Variants in PRCC observed in about 807,000 individuals in gnomAD.
The protein encoded by PRCC is proline rich mitotic checkpoint control factor.
PRCC carries 10 observed loss-of-function variants against 44.0 expected under a neutral mutation model. The ratio of observed to expected loss-of-function variants is 0.23; its 90% CI spans 0.14 to 0.39. The LOEUF (loss-of-function observed/expected upper bound fraction) is 0.39, where lower values mean the gene tolerates loss of function less well. Among genes scored for constraint, PRCC ranks in the 10% least tolerant of loss-of-function variants. The pLI, the probability that PRCC is intolerant of heterozygous loss-of-function variation, is 1.00. For synonymous variants in PRCC, 278 were observed against 259.5 expected (o/e 1.07, Z -0.69); for missense variants, 573 against 624.7 (o/e 0.92, Z 0.88).
intron 5 of PRCC, chr1:156,797,067 C>T (rs1306824783): frequency 1.5e-5 from 8 of 547,444 alleles, no homozygotes; most frequent in Non-Finnish European, 2.3e-5. Context: ...CTATTTCAGG[C>T]AAGTGTTCTG....
Position 156,767,888 on chromosome 1 carries a change from C to A in PRCC, c.117C>A (p.Phe39Leu). ...PTSGPALGGL[F>L]ASLPAPKGPA... Reference sequence around the variant, plus strand: ...CTGGGCCCGCTTTAGGGGGCTTGTTCGCTTCTCTCCCTGCGCCCAAGGGTC... The same window carrying A: ...CTGGGCCCGCTTTAGGGGGCTTGTTAGCTTCTCTCCCTGCGCCCAAGGGTC... The change falls in exon 1 of 7, where the codon TTC (phenylalanine) becomes TTA (leucine). Residue 39 changes from phenylalanine (F) to leucine (L), a missense_variant. Phe to Leu is a conservative substitution (Grantham distance 22, BLOSUM62 0). Transcript: ENST00000271526. 6.2e-7 allele frequency: 1 copy of A among 1,604,496 alleles called. No individual in the cohort carries two copies.
intron 1 of PRCC, among the ~76,000 whole-genome samples, chr1:156,772,222 C>A (rs1005337585): frequency 1.8e-4 from 28 of 152,176 alleles, no homozygotes; most frequent in African/African-American, 6.8e-4. Flanking sequence ...GATGGCCACC[C>A]ACACCTTGGT....
At chr1:156,775,107 G>C (rs549197933) in intron 1 of PRCC, among the ~76,000 whole-genome samples, 1 of 152,118 alleles carries the variant, frequency 6.6e-6, no homozygotes, top group East Asian at 1.9e-4. Context: ...AATTAGCCAA[G>C]CGTGGTGGCG....
intron 3 of PRCC, among the ~76,000 whole-genome samples, chr1:156,787,684 C>G (rs1396538921): frequency 1.6e-5 from 1 of 63,498 alleles, no homozygotes; most frequent in African/African-American, 7.4e-5. Flanking sequence ...GAATCTCACT[C>G]TGTTGCCCAG....
chr1:156,796,581 A>G (rs192188027), intron 5 of PRCC: 3 of 152,418 alleles, frequency 2.0e-5, no homozygotes, highest in Admixed American at 6.5e-5. Flanking sequence ...TTGACAGTAA[A>G]TCATTTGCAT....
At chr1:156,794,532 G>T in intron 4 of PRCC, 133 bp from the exon 5 acceptor site, 1 of 1,078,656 alleles carries the variant, frequency 9.3e-7, no homozygotes, top group Non-Finnish European at 1.3e-6. Context: ...ATGGCAGGGT[G>T]AAAGGACGTA....
intron 3 of PRCC, among the ~76,000 whole-genome samples, chr1:156,790,440 T>C (rs1352163361): frequency 2.0e-5 from 3 of 152,174 alleles, no homozygotes; most frequent in East Asian, 3.9e-4. Context: ...CTGACCAATA[T>C]GATGAAACTC....
intron 1 of PRCC, among the ~76,000 whole-genome samples, chr1:156,775,798 C>T (rs573754887): frequency 6.6e-5 from 10 of 152,168 alleles, no homozygotes; most frequent in East Asian, 3.9e-4. Flanking sequence ...CGTGAGCCAC[C>T]GCACCCGGCT....
chr1:156,790,377 C>T (rs1652430236), intron 3 of PRCC, among the ~76,000 whole-genome samples: 1 of 152,214 alleles, frequency 6.6e-6, no homozygotes, highest in South Asian at 2.1e-4. Context: ...AATCCCAGCA[C>T]TTTGGGAGGC....
intron 1 of PRCC, among the ~76,000 whole-genome samples, chr1:156,780,100 G>A (rs1315248883): frequency 2.0e-5 from 3 of 151,918 alleles, no homozygotes; most frequent in Non-Finnish European, 4.4e-5. Flanking sequence ...TCTGTCGCCT[G>A]TGCTGGAGTG....
At chr1:156,777,457 C>CTTTCCTTTGCCACCCT (rs1339820096) in intron 1 of PRCC, among the ~76,000 whole-genome samples, 3 of 151,976 alleles carry the variant, frequency 2.0e-5, no homozygotes, top group Admixed American at 6.6e-5. Flanking sequence ...GATGGTTGTC[C>CTTTCCTTTGCCACCCT]TTTCCTTTGC....
At chr1:156,800,254 G>A in intron 6 of PRCC, 120 bp from the exon 7 acceptor site, 1 of 869,060 alleles carries the variant, frequency 1.2e-6, no homozygotes, top group Non-Finnish European at 1.8e-6. Flanking sequence ...GGGGTTTGCA[G>A]TTCCCCCATA....
chr1:156,786,097 A>C (rs1270811371), intron 2 of PRCC, among the ~76,000 whole-genome samples: 1 of 152,082 alleles, frequency 6.6e-6, no homozygotes, highest in Admixed American at 6.6e-5. Flanking sequence ...GGCGTGAGCC[A>C]CCACTGCCCA....
chr1:156,783,379 C>T (rs1652117763), intron 2 of PRCC, among the ~76,000 whole-genome samples: 2 of 152,210 alleles, frequency 1.3e-5, no homozygotes, highest in Non-Finnish European at 2.9e-5. Context: ...TCCTTCCACA[C>T]TTGGTGATTT....
intron 1 of PRCC, among the ~76,000 whole-genome samples, chr1:156,771,954 T>C (rs184181443): frequency 6.6e-6 from 1 of 152,152 alleles, no homozygotes; most frequent in African/African-American, 2.4e-5. Flanking sequence ...TTTTAAAAAA[T>C]TTGTTTTATT....
At chr1:156,771,991 T>C (rs1651654331) in intron 1 of PRCC, among the ~76,000 whole-genome samples, 1 of 152,156 alleles carries the variant, frequency 6.6e-6, no homozygotes. Flanking sequence ...TTTATTTATT[T>C]ATTTGTTTTG....
intron 5 of PRCC, chr1:156,796,932 G>T: frequency 4.0e-6 from 1 of 248,300 alleles, no homozygotes; most frequent in Non-Finnish European, 8.0e-6. Context: ...CAGTTAAACT[G>T]GTCTCAGATG....
rs1163756498 is a variant in PRCC at position 156,767,732 on chromosome 1, C to T, written c.-40C>T. 4.5e-6 allele frequency: 7 copies of T among 1,543,252 alleles called. No homozygotes were observed. The highest frequency in any genetic ancestry group is 2.7e-5 in the African/African-American group (2 of 73,278). The stretch of plus-strand genomic sequence containing the variant: ...CGGGCATCCCCGGTCTCAAGTAGGC[C>T]TCATCTGCCGGCAAGGGCGCCCGAA... On this transcript the variant is annotated 5_prime_UTR_variant, in exon 1 of 7. Coordinates refer to ENST00000271526, the MANE Select transcript of PRCC (RefSeq NM_005973.5).
intron 1 of PRCC, among the ~76,000 whole-genome samples, chr1:156,769,591 T>A (rs6674000): frequency 0.073 from 11,169 of 152,060 alleles, 545 homozygotes; most frequent in South Asian, 0.14. Context: ...CTTTTTTTTT[T>A]AAATTTTTTT....
Sources: gnomAD v4.1 joint callset for allele counts (sites outside exome capture counted in the v4.1 genomes callset) on GRCh38, gnomAD v4.1.1 for gene constraint, MANE v1.5 for transcripts, NCBI Gene and HGNC (gene_info 2026-07-23, HGNC 2026-07-21) for gene names.